The following NEBL variants were observed in gnomAD, a reference collection of about 807,000 sequenced individuals.
NEBL encodes the protein LIM and SH3 protein 2.
In NEBL, 122 loss-of-function variants were observed where a neutral mutation model predicts 140.2. That is an observed-to-expected ratio of 0.87 (90% CI 0.75 to 1.01). NEBL has a LOEUF of 1.01. Ranked by LOEUF, NEBL falls within the 50% of genes least tolerant of loss-of-function variation. The pLI, the probability that NEBL is intolerant of heterozygous loss-of-function variation, is 0.00. For synonymous variants in NEBL, 436 were observed against 398.9 expected (o/e 1.09, Z -1.11); for missense variants, 1,365 against 1,231.3 (o/e 1.11, Z -1.62).
At chr10:21,272,592 A>G (rs1842873160) in intron 1 of NEBL, among the ~76,000 whole-genome samples, 1 of 152,140 alleles carries the variant, frequency 6.6e-6, no homozygotes, top group Non-Finnish European at 1.5e-5. Context: ...ATGTCAAATA[A>G]ATAAATACAT....
chr10:20,786,643 A>G (rs1370043950), intron 27 of NEBL, among the ~76,000 whole-genome samples: 1 of 152,146 alleles, frequency 6.6e-6, no homozygotes, highest in Non-Finnish European at 1.5e-5. Context: ...AGTGTAGAAG[A>G]GTTTTCTAGG....
At chr10:21,067,282 A>G (rs887026826) in intron 2 of NEBL, among the ~76,000 whole-genome samples, 1 of 152,142 alleles carries the variant, frequency 6.6e-6, no homozygotes, top group African/African-American at 2.4e-5. Context: ...AAATAATTTA[A>G]CTTTTAAAGT....
intron 9 of NEBL, 35 bp downstream of exon 9, chr10:20,858,205 A>G (rs1843284371): frequency 1.3e-6 from 2 of 1,502,968 alleles, no homozygotes; most frequent in African/African-American, 1.4e-5. Context: ...TGGAGCCACA[A>G]GGCAACTACG....
intron 26 of NEBL, among the ~76,000 whole-genome samples, chr10:20,792,170 A>T (rs1361289600): frequency 6.6e-6 from 1 of 151,870 alleles, no homozygotes; most frequent in African/African-American, 2.4e-5. Context: ...AAAAAATGGT[A>T]CTTTAACTAT....
intron 3 of NEBL, among the ~76,000 whole-genome samples, chr10:20,980,441 A>G (rs2131662248): frequency 6.6e-6 from 1 of 152,330 alleles, no homozygotes; most frequent in African/African-American, 2.4e-5. Context: ...CACTGAAAGA[A>G]AAGTAGAGAA....
At chr10:21,253,560 T>C (rs1842615493) in intron 1 of NEBL, among the ~76,000 whole-genome samples, 2 of 120,462 alleles carry the variant, frequency 1.7e-5, no homozygotes, top group Non-Finnish European at 3.4e-5. Context: ...TTTTTTTTTT[T>C]GAGATGGAGT....
At position 20,852,417 on chromosome 10, in the gene NEBL, A is replaced by G. The variant is rs1842630039; in HGVS notation, c.1008+128T>C. 3 of 716,748 alleles carry G rather than the reference A, an allele frequency of 4.2e-6. No homozygotes were observed. In the Admixed American group the frequency reaches 6.0e-5, roughly 14 times the overall value. The allele number at this position is 716,748 out of a possible 1,614,324, so 44.4% of individuals were successfully genotyped here. A position where few individuals can be genotyped will look rare whatever the true frequency, so the allele number is the denominator to read the frequency against. Reference sequence around the variant, plus strand: ...TGAGATTTTCAAAAGTAATGTTAATATTCTCAGGATTTATTCTTTTCTGCA... The same window carrying G: ...TGAGATTTTCAAAAGTAATGTTAATGTTCTCAGGATTTATTCTTTTCTGCA... On this transcript the variant is annotated intron_variant, in intron 10 of 27. Transcript: ENST00000377122.
At chr10:20,841,769 T>C (rs1288927583) in intron 12 of NEBL, among the ~76,000 whole-genome samples, 1 of 152,156 alleles carries the variant, frequency 6.6e-6, no homozygotes. Context: ...GGAATTCACA[T>C]GATGTCTCTC....
intron 2 of NEBL, among the ~76,000 whole-genome samples, chr10:21,100,492 A>G (rs1837431742): frequency 6.6e-6 from 1 of 152,228 alleles, no homozygotes; most frequent in Admixed American, 6.5e-5. Context: ...AGTGCAAAGC[A>G]TGGCTCTGAG....
intron 3 of NEBL, among the ~76,000 whole-genome samples, chr10:21,184,846 G>A (rs573900815): frequency 6.6e-6 from 1 of 152,334 alleles, no homozygotes; most frequent in South Asian, 2.1e-4. Flanking sequence ...ATAACTGAAT[G>A]TGTATAGAAA....
intron 3 of NEBL, among the ~76,000 whole-genome samples, chr10:21,235,086 G>C (rs534666421): frequency 6.6e-6 from 1 of 152,256 alleles, no homozygotes; most frequent in East Asian, 1.9e-4. Context: ...CTTGAGCCTG[G>C]TAGTTCCAGA....
At chr10:21,149,785 G>A (rs1180452985) in intron 2 of NEBL, among the ~76,000 whole-genome samples, 2 of 152,204 alleles carry the variant, frequency 1.3e-5, no homozygotes, top group Non-Finnish European at 2.9e-5. Flanking sequence ...CGGTCTTGTA[G>A]GACTGAGCCC....
At chr10:21,078,109 G>T (rs1836190247) in intron 2 of NEBL, among the ~76,000 whole-genome samples, 1 of 152,084 alleles carries the variant, frequency 6.6e-6, no homozygotes, top group Non-Finnish European at 1.5e-5. Flanking sequence ...CATTCTATGG[G>T]GGATCGAAAA....
chr10:20,908,696 A>G (rs973983678), intron 4 of NEBL, among the ~76,000 whole-genome samples: 1 of 152,220 alleles, frequency 6.6e-6, no homozygotes, highest in Non-Finnish European at 1.5e-5. Context: ...GGAGTCGGGA[A>G]GAGATGAACA....
chr10:20,943,335 C>T (rs1348365408), intron 4 of NEBL, among the ~76,000 whole-genome samples: 1 of 152,148 alleles, frequency 6.6e-6, no homozygotes, highest in Non-Finnish European at 1.5e-5. Flanking sequence ...CAAACTATCA[C>T]AAGGACAAAA....
chr10:21,238,618 G>T (rs536911220), intron 3 of NEBL, among the ~76,000 whole-genome samples: 1 of 151,352 alleles, frequency 6.6e-6, no homozygotes, highest in Admixed American at 6.6e-5. Flanking sequence ...GCTGAGGCAG[G>T]AGAATCACTT....
chr10:20,815,203 C>A (rs1432335372), intron 22 of NEBL, among the ~76,000 whole-genome samples: 4 of 152,182 alleles, frequency 2.6e-5, no homozygotes, highest in Non-Finnish European at 5.9e-5. Flanking sequence ...GGATTCTTTT[C>A]TGTAAGTCTT....
intron 7 of NEBL, chr10:20,867,778 T>C (rs1256376663): frequency 6.6e-6 from 1 of 152,054 alleles, no homozygotes; most frequent in Non-Finnish European, 1.5e-5. Context: ...TATTAGCTAA[T>C]CCAACTTCTT....
At chr10:21,022,665 C>T (rs1019143975) in intron 2 of NEBL, among the ~76,000 whole-genome samples, 9 of 152,128 alleles carry the variant, frequency 5.9e-5, no homozygotes, top group African/African-American at 1.9e-4. Context: ...TATATTTTTT[C>T]CTGATAATGT....
Sources: allele counts gnomAD v4.1 joint callset (sites outside exome capture counted in the v4.1 genomes callset), GRCh38; gene constraint gnomAD v4.1.1; transcripts MANE v1.5; gene names NCBI Gene and HGNC (gene_info 2026-07-23, HGNC 2026-07-21).